Variants in WWOX observed in about 807,000 individuals in gnomAD.
The protein encoded by WWOX is WW domain-containing oxidoreductase.
WWOX carries 69 observed loss-of-function variants against 46.2 expected under a neutral mutation model. The ratio of observed to expected loss-of-function variants is 1.49; its 90% CI spans 1.23 to 1.82. The LOEUF (loss-of-function observed/expected upper bound fraction) is 1.82. Ranked by LOEUF, WWOX falls within the 40% of genes most tolerant of loss-of-function variation. The pLI, the probability that WWOX is intolerant of heterozygous loss-of-function variation, is 0.00. For synonymous variants in WWOX, 359 were observed against 202.6 expected (o/e 1.77, Z -6.56); for missense variants, 919 against 542.6 (o/e 1.69, Z -6.89).
intron 8 of WWOX, among the ~76,000 whole-genome samples, chr16:78,677,100 C>A (rs1468636230): frequency 6.7e-6 from 1 of 150,366 alleles, no homozygotes; most frequent in Non-Finnish European, 1.5e-5. Flanking sequence ...CATTCAAATT[C>A]TCGTAGGCAT....
At chr16:78,709,172 G>C (rs867748617) in intron 8 of WWOX, among the ~76,000 whole-genome samples, 8 of 152,194 alleles carry the variant, frequency 5.3e-5, no homozygotes, top group Admixed American at 3.3e-4. Flanking sequence ...GGAAGAACTG[G>C]AGAGAGGGGT....
chr16:78,779,198 G>A (rs118067702), intron 8 of WWOX, among the ~76,000 whole-genome samples: 11 of 152,298 alleles, frequency 7.2e-5, no homozygotes, highest in East Asian at 5.8e-4. Context: ...AGGCTGGAGT[G>A]CAGTGGCATG....
intron 8 of WWOX, among the ~76,000 whole-genome samples, chr16:78,992,404 T>C (rs1000034182): frequency 2.6e-5 from 4 of 151,990 alleles, no homozygotes; most frequent in African/African-American, 9.7e-5. Context: ...GAGGCAGAGG[T>C]TGCAGTGAAC....
intron 8 of WWOX, among the ~76,000 whole-genome samples, chr16:78,664,321 C>T (rs967059592): frequency 6.6e-6 from 1 of 152,280 alleles, no homozygotes; most frequent in South Asian, 2.1e-4. Flanking sequence ...TGTGGGCTGG[C>T]CACCCAGGAG....
At chr16:78,856,534 T>C (rs186298872) in intron 8 of WWOX, among the ~76,000 whole-genome samples, 2 of 152,066 alleles carry the variant, frequency 1.3e-5, no homozygotes, top group African/African-American at 4.8e-5. Flanking sequence ...TAGCAGCTAC[T>C]CAGGAGTCTG....
chr16:78,975,918 C>T (rs2046563258), intron 8 of WWOX, among the ~76,000 whole-genome samples: 1 of 152,188 alleles, frequency 6.6e-6, no homozygotes, highest in South Asian at 2.1e-4. Flanking sequence ...CCCCCTCTTC[C>T]ACCCTTTGCC....
In WWOX at chr16:78,446,210, T is replaced by A. The variant is rs542236716; in HGVS notation, c.1056+13458T>A. 1.3e-5 allele frequency among the ~76,000 whole-genome samples: 2 copies of A among 152,330 alleles called. 1 individual carries two copies. Among genetic ancestry groups the A allele is most frequent in the East Asian group, 3.9e-4 (2 of 5,188 alleles). On this transcript the variant is annotated intron_variant, in intron 8 of 8. Transcript: ENST00000566780. ...TGGTGAAGAAATACATACATCATAC[T>A]TGAGACCATGTTCCAGAGAGTATTT...
intron 8 of WWOX, among the ~76,000 whole-genome samples, chr16:78,774,560 G>A (rs911522271): frequency 2.6e-5 from 4 of 151,584 alleles, no homozygotes; most frequent in Admixed American, 6.6e-5. Flanking sequence ...GAGCCTGTAC[G>A]TGTCCCCCTC....
chr16:78,793,652 T>C (rs953831821), intron 8 of WWOX, among the ~76,000 whole-genome samples: 7 of 152,194 alleles, frequency 4.6e-5, no homozygotes, highest in African/African-American at 1.2e-4. Flanking sequence ...AAAAAAACTT[T>C]TTTTCAGACT....
chr16:78,280,731 G>A (rs1464707132), intron 5 of WWOX: 2 of 152,200 alleles, frequency 1.3e-5, no homozygotes, highest in Admixed American at 1.3e-4. Context: ...CTCACTGCCA[G>A]CGCTCATTTA....
rs368549763 is a variant in WWOX at position 78,944,542 on chromosome 16, G to T, written c.1057-267066G>T. Among the ~76,000 whole-genome samples, 173 of 152,266 alleles carry T rather than the reference G, an allele frequency of 1.1e-3. 2 individuals carry two copies. The highest frequency in any genetic ancestry group is 3.9e-3 in the African/African-American group (162 of 41,530). ...GATTTGTCTTGCTGTATCGAATCAA[G>T]CTGTGGTCTTGAGTTTCGTACACAT... is the stretch of plus-strand genomic sequence containing the variant. On this transcript the variant is annotated intron_variant, in intron 8 of 8. Transcript: ENST00000566780.
At position 79,211,594 on chromosome 16, in the gene WWOX, T is replaced by C. The variant is rs66481974; in HGVS notation, c.1057-14T>C. On this transcript the variant is annotated splice_polypyrimidine_tract_variant and intron_variant, in intron 8 of 8. Coordinates refer to ENST00000566780, the MANE Select transcript of WWOX (RefSeq NM_016373.4). Reference sequence around the variant, plus strand: ...TCTTAAAATTTTTTTTTGTCTTTCTTCTTGGATTTCCAGCAACAGGGAGCT... The same window carrying C: ...TCTTAAAATTTTTTTTTGTCTTTCTCCTTGGATTTCCAGCAACAGGGAGCT... The C allele has an allele frequency of 0.043, 69,955 of 1,614,050 alleles. 1,685 individuals carry two copies. The highest frequency in any genetic ancestry group is 0.047 in the Non-Finnish European group (54,982 of 1,179,998).
intron 8 of WWOX, among the ~76,000 whole-genome samples, chr16:79,122,326 A>G (rs1199923037): frequency 6.6e-6 from 1 of 152,188 alleles, no homozygotes; most frequent in Non-Finnish European, 1.5e-5. Flanking sequence ...TTCAGGCGGC[A>G]TTAACCCCCT....
At chr16:78,935,034 C>G (rs913232362) in intron 8 of WWOX, among the ~76,000 whole-genome samples, 2 of 152,108 alleles carry the variant, frequency 1.3e-5, no homozygotes, top group South Asian at 2.1e-4. Flanking sequence ...CAGAGACATG[C>G]AAATCAAAAC....
chr16:79,211,923 G>T lies in WWOX; in HGVS notation c.*127G>T, dbSNP rs383362. 0.53 allele frequency: 809,172 copies of T among 1,541,148 alleles called. 221,337 individuals carry two copies. The highest frequency in any genetic ancestry group is 0.57 in the Non-Finnish European group (658,133 of 1,148,368). Reference sequence around the variant, plus strand: ...CGCAAGAGTAAAGGAAATAAGAGCAGTCACAACAGAGTGAAAAATCTTAAG... The same window carrying T: ...CGCAAGAGTAAAGGAAATAAGAGCATTCACAACAGAGTGAAAAATCTTAAG... On this transcript the variant is annotated 3_prime_UTR_variant, in exon 9 of 9. Transcript: ENST00000566780.
At chr16:79,128,322 C>T (rs1316887378) in intron 8 of WWOX, among the ~76,000 whole-genome samples, 1 of 133,930 alleles carries the variant, frequency 7.5e-6, no homozygotes, top group African/African-American at 2.9e-5. Flanking sequence ...GTACAACGTC[C>T]CCTAATAGCT....
chr16:78,951,746 G>C (rs1036865740), intron 8 of WWOX, among the ~76,000 whole-genome samples: 13 of 152,114 alleles, frequency 8.5e-5, no homozygotes, highest in African/African-American at 2.9e-4. Context: ...CCATGGAAGG[G>C]GTGAGAGAGA....
intron 5 of WWOX, among the ~76,000 whole-genome samples, chr16:78,174,202 C>T (rs1465054430): frequency 6.6e-6 from 1 of 152,188 alleles, no homozygotes; most frequent in African/African-American, 2.4e-5. Context: ...CTTACAGTTC[C>T]ACATGGCTGG....
intron 8 of WWOX, among the ~76,000 whole-genome samples, chr16:79,072,070 T>C (rs528438719): frequency 3.9e-4 from 59 of 152,010 alleles, no homozygotes; most frequent in African/African-American, 1.4e-3. Flanking sequence ...ATTGCTTGAG[T>C]CTAGGAGTTT....
Sources: allele counts gnomAD v4.1 joint callset (sites outside exome capture counted in the v4.1 genomes callset), GRCh38; gene constraint gnomAD v4.1.1; transcripts MANE v1.5; gene names NCBI Gene and HGNC (gene_info 2026-07-23, HGNC 2026-07-21).